Variants in RGP1 observed in about 807,000 individuals in gnomAD.
RGP1 encodes the protein RGP1 partner of RAB6A GEF complex.
In RGP1, 28 loss-of-function variants were observed where a neutral mutation model predicts 44.5. The ratio of observed to expected loss-of-function variants is 0.63; its 90% CI spans 0.47 to 0.86. The LOEUF (loss-of-function observed/expected upper bound fraction) is 0.86. RGP1 is among the 40% of genes least tolerant of loss of function. The pLI, the probability that RGP1 is intolerant of heterozygous loss-of-function variation, is 0.00. For missense variants in RGP1, 417 were observed against 490.7 expected (o/e 0.85, Z 1.42); for synonymous variants, 212 against 196.7 (o/e 1.08, Z -0.65).
chr9:35,762,844 A>G (rs912541543), downstream of RGP1, among the ~76,000 whole-genome samples: 1 of 151,898 alleles, frequency 6.6e-6, no homozygotes, highest in Non-Finnish European at 1.5e-5. Context: ...TTTAACGGAA[A>G]AAAAAAAACA....
chr9:35,753,590 A>G lies in RGP1; in HGVS notation c.*716A>G. 7.7e-7 allele frequency: 1 copy of G among 1,291,538 alleles called. No homozygotes were observed. Among genetic ancestry groups the G allele is most frequent in the Non-Finnish European group, 1.1e-6 (1 of 905,612 alleles). 80.0% of individuals were successfully genotyped at this position (1,291,538 alleles called of 1,614,324 possible). ...GTTCATTCTTACATCACAGCAATCT[A>G]GTCACTCCCTGGTCATCCCTCAGTC... On this transcript the variant is annotated 3_prime_UTR_variant, in exon 9 of 9. Coordinates refer to ENST00000378078, the MANE Select transcript of RGP1 (RefSeq NM_001080496.3). The surrounding 1 kb of genome is among the most constrained non-coding windows in gnomAD (Gnocchi z 4.2).
chr9:35,778,296 C>T, the RGP1 span, among the ~76,000 whole-genome samples: 34 of 152,064 alleles, frequency 2.2e-4, no homozygotes, highest in African/African-American at 8.0e-4. Context: ...GAGCGAAATT[C>T]TGTGTCAAAA....
rs532768887 is a variant in RGP1, at chr9:35,750,827, A to G, written c.338-13A>G. The G allele has an allele frequency of 1.8e-5, 29 of 1,613,804 alleles. No homozygotes were observed. Among genetic ancestry groups the G allele is most frequent in the Non-Finnish European group, 2.3e-5 (27 of 1,179,806 alleles). On this transcript the variant is annotated splice_polypyrimidine_tract_variant and intron_variant, in intron 4 of 8. Transcript: ENST00000378078. ...GGTGCCTCTGGCTGTCCTGACAACT[A>G]CTTCCCAACCAGACTCCTACAGTGA...
chr9:35,773,724 A>G, the RGP1 span, among the ~76,000 whole-genome samples: 1 of 151,488 alleles, frequency 6.6e-6, no homozygotes, highest in Non-Finnish European at 1.5e-5. Flanking sequence ...CTGGTCTCGA[A>G]CTCCTGACCT....
the RGP1 span, among the ~76,000 whole-genome samples, chr9:35,765,948 C>CCT: frequency 6.6e-6 from 1 of 151,304 alleles, no homozygotes; most frequent in African/African-American, 2.4e-5. Flanking sequence ...CATTCTCCTG[C>CCT]CTCAGCCTCC....
the RGP1 span, among the ~76,000 whole-genome samples, chr9:35,766,262 T>TG: frequency 6.6e-6 from 1 of 152,172 alleles, no homozygotes; most frequent in African/African-American, 2.4e-5. Flanking sequence ...TGTGCTTTCT[T>TG]GTCACCAGTA....
At chr9:35,776,546 C>G in the RGP1 span, among the ~76,000 whole-genome samples, 1 of 152,036 alleles carries the variant, frequency 6.6e-6, no homozygotes, top group East Asian at 1.9e-4. Flanking sequence ...CTCGGCCTCC[C>G]AAATTGTTGG....
Position 35,753,189 on chromosome 9 carries a change from G to T in RGP1, c.*315G>T. The T allele has an allele frequency of 1.2e-6, 2 of 1,614,164 alleles. No homozygotes were observed. The highest frequency in any genetic ancestry group is 1.7e-6 in the Non-Finnish European group (2 of 1,180,022). ...GGCCCTCCCCCTTTGCAGGGCAGCC[G>T]AGGGTCAGATTTTTGCACCAAGGAG... On this transcript the variant is annotated 3_prime_UTR_variant, in exon 9 of 9. Transcript: ENST00000378078. The surrounding 1 kb of genome is among the most constrained non-coding windows in gnomAD (Gnocchi z 4.2).
the RGP1 span, among the ~76,000 whole-genome samples, chr9:35,769,447 G>C: frequency 6.6e-6 from 1 of 152,210 alleles, no homozygotes; most frequent in South Asian, 2.1e-4. Flanking sequence ...TGAGGACACA[G>C]TATTTTGTAG....
At chr9:35,787,170 A>G in the RGP1 span, among the ~76,000 whole-genome samples, 1 of 151,926 alleles carries the variant, frequency 6.6e-6, no homozygotes, top group Non-Finnish European at 1.5e-5. Context: ...ACTTACAAAG[A>G]TGTATATGAA....
chr9:35,757,669 G>T lies in RGP1; in HGVS notation c.*4795G>T, dbSNP rs1827378323. The T allele has an allele frequency of 6.6e-6, 1 of 152,354 alleles. No homozygotes were observed. Among genetic ancestry groups the T allele is most frequent in the African/African-American group, 2.4e-5 (1 of 41,452 alleles). 9.4% of individuals were successfully genotyped at this position (152,354 alleles called of 1,614,324 possible). On this transcript the variant is annotated 3_prime_UTR_variant, in exon 9 of 9. Coordinates refer to ENST00000378078, the MANE Select transcript of RGP1 (RefSeq NM_001080496.3). ...GTAGACAGTGAAGGGTGAAGGGTAGGTTTTAGGAGTAGGGGGAGTTATGAT... is the reference window on the plus strand; with the variant it reads ...GTAGACAGTGAAGGGTGAAGGGTAGTTTTTAGGAGTAGGGGGAGTTATGAT...
the RGP1 span, among the ~76,000 whole-genome samples, chr9:35,774,239 G>A: frequency 6.6e-6 from 1 of 152,182 alleles, no homozygotes; most frequent in South Asian, 2.1e-4. Context: ...CTCAGCCTCA[G>A]CACCTTGCTC....
chr9:35,751,368 T>A lies in RGP1; in HGVS notation c.590T>A (p.Leu197Gln). ...GGKKDSWLAE[L>Q]AGERLMAATS... ...AAGAAAGATTCATGGCTAGCTGAGC[T>A]GGCTGGGGAACGCCTAATGGCTGCC... Residue 197 changes from leucine to glutamine, a missense_variant, in exon 6 of 9, where the codon CTG (leucine) becomes CAG (glutamine). Physicochemically the swap from Leu to Gln is moderately radical, Grantham distance 113. Coordinates refer to ENST00000378078, the MANE Select transcript of RGP1 (RefSeq NM_001080496.3). 6.2e-7 allele frequency: 1 copy of A among 1,613,966 alleles called. No individual in the cohort carries two copies.
Position 35,750,300 on chromosome 9 carries a change from T to A in RGP1, c.174T>A (p.Ser58Arg), listed in dbSNP as rs761784042. ...QIHCQFHASE[S>R]RVALPPPDSS... ...ACTGCCAGTTCCATGCCAGTGAGAG[T>A]CGAGTAGCACTGCCTCCTCCTGACT... Residue 58 changes from serine (S) to arginine (R), a missense_variant, in exon 3 of 9, where the codon AGT (serine) becomes AGA (arginine). Transcript: ENST00000378078. 3 of 1,613,530 alleles carry A rather than the reference T, an allele frequency of 1.9e-6. No homozygotes were observed. The highest frequency in any genetic ancestry group is 1.3e-5 in the African/African-American group (1 of 74,806).
chr9:35,773,611 C>T, the RGP1 span, among the ~76,000 whole-genome samples: 1 of 151,788 alleles, frequency 6.6e-6, no homozygotes, highest in Non-Finnish European at 1.5e-5. Context: ...AAGCGATTCT[C>T]CTGCCACAGC....
chr9:35,759,906 A>C (rs1588038641), downstream of RGP1, among the ~76,000 whole-genome samples: 1 of 127,454 alleles, frequency 7.8e-6, no homozygotes. Context: ...CAGTTCCTTT[A>C]TTCATTTTTC....
chr9:35,788,874 C>T, the RGP1 span, among the ~76,000 whole-genome samples: 3 of 152,096 alleles, frequency 2.0e-5, no homozygotes, highest in East Asian at 3.8e-4. Context: ...TCAGCTTTCC[C>T]TCAAACATGA....
chr9:35,776,459 G>A, the RGP1 span, among the ~76,000 whole-genome samples: 161 of 151,854 alleles, frequency 1.1e-3, 1 homozygote, highest in Non-Finnish European at 1.4e-3. Context: ...GCTAATTTTT[G>A]TATTTTCAGT....
the RGP1 span, among the ~76,000 whole-genome samples, chr9:35,788,290 C>T: frequency 9.9e-5 from 15 of 152,242 alleles, no homozygotes; most frequent in African/African-American, 2.9e-4. Flanking sequence ...TGTTTGGGGC[C>T]GGGCGTGGTG....
Sources: allele counts gnomAD v4.1 joint callset (sites outside exome capture counted in the v4.1 genomes callset), GRCh38; gene constraint gnomAD v4.1.1; non-coding constraint Gnocchi (gnomAD v3.1); transcripts MANE v1.5; gene names NCBI Gene and HGNC (gene_info 2026-07-23, HGNC 2026-07-21).